Variants in TPM1 observed in about 807,000 individuals in gnomAD.
TPM1 encodes tropomyosin alpha-1 chain.
In TPM1, 24 loss-of-function variants were observed where a neutral mutation model predicts 42.9. That is an observed-to-expected ratio of 0.56 (90% CI 0.41 to 0.79). TPM1 has a LOEUF of 0.79. TPM1 is among the 30% of genes least tolerant of loss of function. The pLI, the probability that TPM1 is intolerant of heterozygous loss-of-function variation, is 0.00. For synonymous variants in TPM1, 136 were observed against 130.1 expected (o/e 1.05, Z -0.31); for missense variants, 158 against 351.8 (o/e 0.45, Z 4.41).
chr15:63,054,224 G>C (rs999049731), intron 2 of TPM1, among the ~76,000 whole-genome samples: 3 of 152,130 alleles, frequency 2.0e-5, no homozygotes, highest in Admixed American at 1.3e-4. Flanking sequence ...GTCGTTGCTG[G>C]GGCACCCTGT....
rs778395303 is a variant in TPM1, at chr15:63,065,933, G to C, written c.*34G>C. The C allele has an allele frequency of 6.2e-7, 1 of 1,606,640 alleles. No homozygotes were observed. Among genetic ancestry groups the C allele is most frequent in the Non-Finnish European group, 8.5e-7 (1 of 1,177,676 alleles). On this transcript the variant is annotated 3_prime_UTR_variant, in exon 10 of 10. Transcript: ENST00000403994. ...GCTTCACTTCTCCCAAGACTCCCTCGTCGAGCTGGATGTCCCACCTCTCTG... is the reference window on the plus strand; with the variant it reads ...GCTTCACTTCTCCCAAGACTCCCTCCTCGAGCTGGATGTCCCACCTCTCTG...
chr15:63,070,631 C>T (rs2036555739), downstream of TPM1: 1 of 1,003,064 alleles, frequency 1.0e-6, no homozygotes, highest in Non-Finnish European at 1.2e-6. Flanking sequence ...TAAAAGTTCT[C>T]AGAAAACCTA....
chr15:63,071,203 G>C (rs11558748), exon 9 of TPM1: 6 of 236,056 alleles, frequency 2.5e-5, no homozygotes, highest in African/African-American at 9.8e-5. Flanking sequence ...ACATTCTTTC[G>C]TTTTGTTTTG....
In TPM1 at chr15:63,042,774, C is replaced by G. The variant is rs2031409231; in HGVS notation, c.-56C>G. The G allele has an allele frequency of 6.7e-7, 1 of 1,493,294 alleles. No individual in the cohort carries two copies. Among genetic ancestry groups the G allele is most frequent in the East Asian group, 2.3e-5 (1 of 43,570 alleles). 92.5% of individuals were successfully genotyped at this position (1,493,294 alleles called of 1,614,324 possible). On this transcript the variant is annotated 5_prime_UTR_variant, in exon 1 of 10. Coordinates refer to ENST00000403994, the MANE Select transcript of TPM1 (RefSeq NM_001018005.2). ...TCGCACTCCCGCTCCTCCGCCCGAC[C>G]GCGCGCTCGCCCCGCCGCTCCTGCT...
At chr15:63,050,150 T>C (rs1040904810) in intron 2 of TPM1, among the ~76,000 whole-genome samples, 1 of 152,220 alleles carries the variant, frequency 6.6e-6, no homozygotes, top group African/African-American at 2.4e-5. Context: ...GGGTAAGTGC[T>C]GTGTGCCCGC....
intron 2 of TPM1, chr15:63,048,427 C>T: frequency 7.4e-7 from 1 of 1,351,568 alleles, no homozygotes; most frequent in Non-Finnish European, 9.4e-7. Context: ...CGGACTGCTC[C>T]TGGCCGCAGG....
At chr15:63,043,533 A>G in intron 1 of TPM1, 1 of 1,058,144 alleles carries the variant, frequency 9.5e-7, no homozygotes, top group Non-Finnish European at 1.4e-6. Flanking sequence ...GTGCGGGGTG[A>G]GCCGCGGAGC....
chr15:63,066,259 G>C, downstream of TPM1: 1 of 1,084,532 alleles, frequency 9.2e-7, no homozygotes, highest in Non-Finnish European at 1.2e-6. Flanking sequence ...TTCTAAAGCA[G>C]TAGTTCCTTG....
At chr15:63,048,614 G>C (rs1430597381) in intron 2 of TPM1, 1 of 1,535,164 alleles carries the variant, frequency 6.5e-7, no homozygotes, top group Admixed American at 2.0e-5. Flanking sequence ...TGCGCAGGAA[G>C]ATCCGGAGCC....
At chr15:63,043,953 C>G in intron 1 of TPM1, 74 bp from the exon 2 acceptor site, 1 of 1,568,868 alleles carries the variant, frequency 6.4e-7, no homozygotes, top group Non-Finnish European at 8.6e-7. Context: ...TCTGTGCACC[C>G]ACACCCCTCC....
chr15:63,061,873 G>A, intron 6 of TPM1, 85 bp downstream of exon 6: 1 of 1,217,592 alleles, frequency 8.2e-7, no homozygotes, highest in South Asian at 1.2e-5. Context: ...ACTTACAGTA[G>A]ACATTTTAGT....
At chr15:63,066,288 C>A, downstream of TPM1, 2 of 813,888 alleles carry the variant, frequency 2.5e-6, no homozygotes, top group Non-Finnish European at 1.6e-6. Flanking sequence ...CAAAAAAATA[C>A]CCAGGCCTGC....
At chr15:63,070,712 G>A (rs1478659334), downstream of TPM1, 1 of 1,049,362 alleles carries the variant, frequency 9.5e-7, no homozygotes, top group Non-Finnish European at 1.2e-6. Flanking sequence ...CCTGTACCTT[G>A]GAAATGTCTG....
intron 2 of TPM1, chr15:63,056,730 G>C: frequency 2.0e-6 from 1 of 508,436 alleles, no homozygotes; most frequent in South Asian, 2.0e-5. Flanking sequence ...AAGAGCGTTT[G>C]CTAATGATCT....
chr15:63,053,495 A>T (rs1596343600), intron 2 of TPM1, among the ~76,000 whole-genome samples: 1 of 152,082 alleles, frequency 6.6e-6, no homozygotes, highest in African/African-American at 2.4e-5. Context: ...TGGCCTCCAC[A>T]TACTTCTGTG....
At chr15:63,060,788 A>T (rs1002470731) in intron 4 of TPM1, 81 bp from the exon 5 acceptor site, 224 of 1,494,096 alleles carry the variant, frequency 1.5e-4, no homozygotes, top group Non-Finnish European at 2.0e-4. Flanking sequence ...GCCTGATGGG[A>T]TCTGATCTCT....
At chr15:63,057,760 G>A (rs1365626461) in intron 3 of TPM1, among the ~76,000 whole-genome samples, 2 of 152,234 alleles carry the variant, frequency 1.3e-5, no homozygotes, top group East Asian at 3.8e-4. Context: ...AGCATGGTTC[G>A]TATAGACCAG....
At chr15:63,069,482 G>A (rs1466192790), downstream of TPM1, among the ~76,000 whole-genome samples, 1 of 152,120 alleles carries the variant, frequency 6.6e-6, no homozygotes, top group East Asian at 1.9e-4. Flanking sequence ...GCAAGGGGTG[G>A]ATGTCACGCT....
At chr15:63,069,904 C>A, downstream of TPM1, 1 of 1,614,138 alleles carries the variant, frequency 6.2e-7, no homozygotes, top group South Asian at 1.1e-5. Flanking sequence ...AAAATCGCCG[C>A]CTCACTAATG....
Sources: allele counts gnomAD v4.1 joint callset (sites outside exome capture counted in the v4.1 genomes callset), GRCh38; gene constraint gnomAD v4.1.1; transcripts MANE v1.5; gene names NCBI Gene and HGNC (gene_info 2026-07-23, HGNC 2026-07-21).